RERE: variants seen among roughly 807,000 people sequenced by gnomAD.
RERE encodes the protein arginine-glutamic acid dipeptide repeats protein.
A neutral mutation model predicts 146.1 loss-of-function variants in RERE; 40 were observed. That is an observed-to-expected ratio of 0.27 (90% CI 0.21 to 0.36). RERE has a LOEUF of 0.36. Ranked by LOEUF, RERE falls within the 10% of genes least tolerant of loss-of-function variation. The pLI, the probability that RERE is intolerant of heterozygous loss-of-function variation, is 1.00. For missense variants in RERE, 1,933 were observed against 2,138.7 expected (o/e 0.90, Z 1.90); for synonymous variants, 1,003 against 866.0 (o/e 1.16, Z -2.78).
At chr1:8,496,881 G>C (rs913155501) in intron 9 of RERE, among the ~76,000 whole-genome samples, 2 of 152,182 alleles carry the variant, frequency 1.3e-5, no homozygotes, top group African/African-American at 4.8e-5. Flanking sequence ...TTTTGTTTTT[G>C]TTTTAAATTT....
At chr1:8,369,508 T>TAAAAAAA (rs1186718390) in intron 12 of RERE, among the ~76,000 whole-genome samples, 55 of 76,892 alleles carry the variant, frequency 7.2e-4, no homozygotes, top group African/African-American at 1.2e-3. Context: ...CGCCTTTTAC[T>TAAAAAAA]AAAAAAAAAA....
At chr1:8,768,283 C>G (rs1640884696) in intron 1 of RERE, among the ~76,000 whole-genome samples, 1 of 152,196 alleles carries the variant, frequency 6.6e-6, no homozygotes, top group Non-Finnish European at 1.5e-5. Flanking sequence ...GAATACTCTG[C>G]ACTCTAAATC....
chr1:8,756,059 C>T (rs907406059), intron 1 of RERE, among the ~76,000 whole-genome samples: 15 of 152,082 alleles, frequency 9.9e-5, no homozygotes, highest in African/African-American at 3.6e-4. Context: ...CTTTGAGAGG[C>T]CAATGCAGAG....
chr1:8,634,251 C>T (rs1421261922), intron 2 of RERE, among the ~76,000 whole-genome samples: 2 of 152,202 alleles, frequency 1.3e-5, no homozygotes, highest in Non-Finnish European at 2.9e-5. Context: ...CAACTTACAA[C>T]CTGTTCTATT....
intron 4 of RERE, among the ~76,000 whole-genome samples, chr1:8,560,390 G>C (rs1339284282): frequency 6.6e-6 from 1 of 152,158 alleles, no homozygotes; most frequent in Non-Finnish European, 1.5e-5. Context: ...GAAATCACTG[G>C]TCTAGTAATT....
At chr1:8,566,463 T>C (rs1435338733) in intron 4 of RERE, among the ~76,000 whole-genome samples, 3 of 151,710 alleles carry the variant, frequency 2.0e-5, no homozygotes, top group Non-Finnish European at 4.4e-5. Flanking sequence ...CTACTAAAAA[T>C]ACAAAAATTA....
At chr1:8,426,138 A>G (rs1644008759) in intron 11 of RERE, among the ~76,000 whole-genome samples, 1 of 152,288 alleles carries the variant, frequency 6.6e-6, no homozygotes, top group African/African-American at 2.4e-5. Flanking sequence ...GTCAAATCAT[A>G]AAGTCCTCAG....
In RERE at chr1:8,781,133, G is replaced by A. The variant is rs546292793; in HGVS notation, c.-145+36027C>T. On this transcript the variant is annotated intron_variant, in intron 1 of 22. Coordinates refer to ENST00000400908, the MANE Select transcript of RERE (RefSeq NM_001042681.2). ...AGCACTTTCAGAGCCCAAGGCAGGC[G>A]GATCACAAGCTCAAGAGATCAAGAC... Among the ~76,000 whole-genome samples, 5 of 151,970 alleles carry A rather than the reference G, an allele frequency of 3.3e-5. No homozygotes were observed. The East Asian group carries it at 5.8e-4, about 18-fold the overall frequency.
intron 1 of RERE, among the ~76,000 whole-genome samples, chr1:8,661,004 G>C (rs561577670): frequency 6.6e-6 from 1 of 152,170 alleles, no homozygotes. Context: ...TTGAGCTTAT[G>C]TGCTCAGCAG....
chr1:8,363,748 A>G, intron 15 of RERE: 1 of 417,740 alleles, frequency 2.4e-6, no homozygotes, highest in South Asian at 3.3e-5. Context: ...GATTTGATAC[A>G]ATGGAAGTGA....
chr1:8,519,320 T>C (rs1350263388), intron 7 of RERE, among the ~76,000 whole-genome samples: 3 of 152,102 alleles, frequency 2.0e-5, no homozygotes, highest in Admixed American at 2.0e-4. Flanking sequence ...CAGTCCCAGC[T>C]AGTTGGGAGG....
At chr1:8,766,472 G>A (rs1640847501) in intron 1 of RERE, among the ~76,000 whole-genome samples, 1 of 151,192 alleles carries the variant, frequency 6.6e-6, no homozygotes, top group African/African-American at 2.4e-5. Context: ...CCCAGGAGGT[G>A]GAGGTTGCAG....
At chr1:8,815,723 C>A (rs188516732) in intron 1 of RERE, among the ~76,000 whole-genome samples, 2 of 152,254 alleles carry the variant, frequency 1.3e-5, no homozygotes. Flanking sequence ...CATCTTCTCT[C>A]TTCTCTCCCA....
At chr1:8,766,546 CAAAAAAAAAAAA>C (rs60530407) in intron 1 of RERE, among the ~76,000 whole-genome samples, 1 of 66,022 alleles carries the variant, frequency 1.5e-5, no homozygotes, top group African/African-American at 5.6e-5. Flanking sequence ...GACTCCATTG[CAAAAAAAAAAAA>C]AAAAAGAAAA....
rs1314863244 is a variant in RERE at position 8,360,655 on chromosome 1, A to T, written c.2852T>A (p.Leu951His). 6.9e-7 allele frequency: 1 copy of T among 1,444,012 alleles called. No homozygotes were observed. Among genetic ancestry groups the T allele is most frequent in the African/African-American group, 1.9e-5 (1 of 52,894 alleles). The allele number at this position is 1,444,012 out of a possible 1,614,324, so 89.4% of individuals were successfully genotyped here. The stretch of plus-strand genomic sequence containing the variant: ...CATGGAGAAGGGTGAGGGCCCCGAG[A>T]GGTGGGGAGGGTGCTTGTGGGCCTG... ...APQAHKHPPHLSGPSPFSMNA... is the reference protein window; with the variant it reads ...APQAHKHPPHHSGPSPFSMNA... Residue 951 changes from leucine to histidine, a missense_variant, in exon 18 of 23, where the codon CTC (leucine) becomes CAC (histidine). Around this residue, in one of 11 missense-constraint regions of RERE, gnomAD observed 1,255 missense variants for 1,153.8 expected, o/e 1.09. Transcript: ENST00000400908.
intron 2 of RERE, among the ~76,000 whole-genome samples, chr1:8,626,402 T>C (rs1216827461): frequency 6.6e-6 from 1 of 152,120 alleles, no homozygotes; most frequent in Non-Finnish European, 1.5e-5. Context: ...ATTAACACCA[T>C]CATAGCCTAG....
intron 12 of RERE, among the ~76,000 whole-genome samples, chr1:8,371,831 G>A (rs1164207839): frequency 6.6e-6 from 1 of 152,210 alleles, no homozygotes; most frequent in Non-Finnish European, 1.5e-5. Flanking sequence ...GTTCTGGCCA[G>A]GCCCAGTTCT....
chr1:8,789,295 A>AT lies in RERE; in HGVS notation c.-145+27864_-145+27865insA, dbSNP rs1464137830. On this transcript the variant is annotated intron_variant, in intron 1 of 22. Coordinates refer to ENST00000400908, the MANE Select transcript of RERE (RefSeq NM_001042681.2). ...CCTCCTCTCTACCAAAAAAAAAAAA[A>AT]AAAAAAATATATATATATATATATA... Among the ~76,000 whole-genome samples the AT allele has an allele frequency of 1.0e-2, 720 of 72,266 alleles. 8 individuals carry two copies. The highest frequency in any genetic ancestry group is 0.027 in the African/African-American group (413 of 15,346). The allele number at this position is 72,266 out of a possible 152,430, so 47.4% of individuals were successfully genotyped here. A position where few individuals can be genotyped will look rare whatever the true frequency, so the allele number is the denominator to read the frequency against.
chr1:8,797,044 A>C (rs1012493051), intron 1 of RERE, among the ~76,000 whole-genome samples: 15 of 151,994 alleles, frequency 9.9e-5, no homozygotes, highest in African/African-American at 3.4e-4. Context: ...GACGGAAGCC[A>C]GTGCTAGAAG....
Sources: allele counts gnomAD v4.1 joint callset (sites outside exome capture counted in the v4.1 genomes callset), GRCh38; gene constraint gnomAD v4.1.1; regional missense constraint gnomAD v4.1.1; transcripts MANE v1.5; gene names NCBI Gene and HGNC (gene_info 2026-07-23, HGNC 2026-07-21).